The following COA1 variants were observed in gnomAD, a reference collection of about 807,000 sequenced individuals.
COA1 encodes the protein cytochrome c oxidase assembly factor 1.
COA1 carries 13 observed loss-of-function variants against 16.0 expected under a neutral mutation model. The ratio of observed to expected loss-of-function variants is 0.81; its 90% CI spans 0.53 to 1.29. COA1 has a LOEUF of 1.29. COA1 is among the 50% of genes most tolerant of loss of function. The pLI, the probability that COA1 is intolerant of heterozygous loss-of-function variation, is 0.00. For missense variants in COA1, 179 were observed against 177.0 expected, an observed-to-expected ratio of 1.01 and a Z score of -0.06; for synonymous variants, 65 against 65.7, an observed-to-expected ratio of 0.99 and a Z score of 0.05.
downstream of COA1, among the ~76,000 whole-genome samples, chr7:43,636,483 C>CAGAG (rs1246884356): frequency 6.6e-6 from 1 of 152,156 alleles, no homozygotes; most frequent in Non-Finnish European, 1.5e-5. Context: ...CTGAAAACGC[C>CAGAG]AGAGAGTCAA....
At chr7:43,614,641 T>C (rs1302383410) in intron 6 of COA1, among the ~76,000 whole-genome samples, 1 of 152,202 alleles carries the variant, frequency 6.6e-6, no homozygotes, top group East Asian at 1.9e-4. Flanking sequence ...GGCCACATAA[T>C]AAATATTAAC....
chr7:43,700,678 A>G (rs2094702485), intron 1 of COA1, among the ~76,000 whole-genome samples: 1 of 151,364 alleles, frequency 6.6e-6, no homozygotes, highest in African/African-American at 2.4e-5. Context: ...ACCTTTCTGC[A>G]TTTTCTTACA....
intron 6 of COA1, chr7:43,622,573 G>A (rs2084016926): frequency 6.6e-6 from 1 of 151,634 alleles, no homozygotes; most frequent in Non-Finnish European, 1.5e-5. Flanking sequence ...CTTTAGTTAA[G>A]TGGATTGTGA....
At chr7:43,696,982 G>A (rs1445529334) in intron 1 of COA1, among the ~76,000 whole-genome samples, 2 of 151,730 alleles carry the variant, frequency 1.3e-5, no homozygotes, top group Admixed American at 6.6e-5. Context: ...AAATTAACTC[G>A]GCATGGTGAC....
chr7:43,693,115 C>T (rs959414524), intron 1 of COA1, among the ~76,000 whole-genome samples: 7 of 152,274 alleles, frequency 4.6e-5, no homozygotes, highest in Middle Eastern at 3.4e-3. Context: ...CCACTGCAGC[C>T]TTATTCAGCC....
intron 6 of COA1, among the ~76,000 whole-genome samples, chr7:43,613,712 C>T (rs925977872): frequency 6.6e-6 from 1 of 152,100 alleles, no homozygotes; most frequent in Non-Finnish European, 1.5e-5. Context: ...GCCATGGTGG[C>T]ACGCGCCTTT....
intron 1 of COA1, among the ~76,000 whole-genome samples, chr7:43,716,832 C>T (rs2095405922): frequency 6.6e-6 from 1 of 152,160 alleles, no homozygotes; most frequent in South Asian, 2.1e-4. Context: ...CTGTGTGCAG[C>T]CTAGGAACTT....
intron 6 of COA1, among the ~76,000 whole-genome samples, chr7:43,616,777 GTC>G (rs35855544): frequency 0.019 from 2,856 of 152,178 alleles, 94 homozygotes; most frequent in African/African-American, 0.066. Context: ...GGCTCCTGTA[GTC>G]CCAGCTACTC....
intron 6 of COA1, chr7:43,624,745 A>G: frequency 1.9e-6 from 3 of 1,613,928 alleles, no homozygotes; most frequent in Non-Finnish European, 2.5e-6. Flanking sequence ...CAATGCAGAC[A>G]GTCTGAAAAA....
At chr7:43,638,074 AAC>A (rs1481022981), downstream of COA1, among the ~76,000 whole-genome samples, 3 of 152,248 alleles carry the variant, frequency 2.0e-5, no homozygotes, top group African/African-American at 7.2e-5. Context: ...TATTTATCTG[AAC>A]ACACTGACAA....
At chr7:43,661,512 G>A (rs931886619) in intron 1 of COA1, among the ~76,000 whole-genome samples, 1 of 152,182 alleles carries the variant, frequency 6.6e-6, no homozygotes, top group African/African-American at 2.4e-5. Context: ...GCGGGCGCCT[G>A]TAGTCCCAGC....
chr7:43,668,312 C>T (rs964161474), intron 1 of COA1, among the ~76,000 whole-genome samples: 7 of 152,200 alleles, frequency 4.6e-5, no homozygotes, highest in African/African-American at 1.4e-4. Context: ...ATGTGGATGG[C>T]TGGGCTCAGC....
chr7:43,666,383 C>T (rs2092890724), intron 1 of COA1, among the ~76,000 whole-genome samples: 1 of 152,152 alleles, frequency 6.6e-6, no homozygotes, highest in Non-Finnish European at 1.5e-5. Context: ...TGCTACCTGG[C>T]CTTGTTTCTC....
chr7:43,655,830 T>C (rs1414891133), intron 1 of COA1, among the ~76,000 whole-genome samples: 1 of 152,168 alleles, frequency 6.6e-6, no homozygotes, highest in Non-Finnish European at 1.5e-5. Flanking sequence ...GCCTCCACTT[T>C]AAGGAGGCTT....
chr7:43,638,598 A>G (rs68194445), downstream of COA1, among the ~76,000 whole-genome samples: 20,961 of 103,660 alleles, frequency 0.2, 2,111 homozygotes, highest in Middle Eastern at 0.26. Context: ...TTTCTGAGAC[A>G]GAGTTTTGCT....
chr7:43,691,167 T>C (rs1334293827), intron 1 of COA1, among the ~76,000 whole-genome samples: 1 of 149,534 alleles, frequency 6.7e-6, no homozygotes, highest in African/African-American at 2.5e-5. Context: ...GATTGCTCCC[T>C]GAGGCCAGGA....
At chr7:43,660,955 T>A (rs2092365286) in intron 1 of COA1, among the ~76,000 whole-genome samples, 2 of 152,296 alleles carry the variant, frequency 1.3e-5, no homozygotes, top group African/African-American at 2.4e-5. Context: ...CACCACATTC[T>A]TAAATCCCAA....
chr7:43,698,797 C>T (rs2094608653), intron 1 of COA1, among the ~76,000 whole-genome samples: 2 of 152,184 alleles, frequency 1.3e-5, no homozygotes, highest in Admixed American at 1.3e-4. Flanking sequence ...AGTCCATTAT[C>T]AGTTCTCACT....
At chr7:43,658,346 G>A (rs1326353120) in intron 1 of COA1, among the ~76,000 whole-genome samples, 1 of 151,380 alleles carries the variant, frequency 6.6e-6, no homozygotes, top group Non-Finnish European at 1.5e-5. Flanking sequence ...GCGACACAGC[G>A]AGACTGTCTC....
Sources: allele counts gnomAD v4.1 joint callset (sites outside exome capture counted in the v4.1 genomes callset), GRCh38; gene constraint gnomAD v4.1.1; transcripts MANE v1.5; gene names NCBI Gene and HGNC (gene_info 2026-07-23, HGNC 2026-07-21).